OCA2: variants seen among roughly 807,000 people sequenced by gnomAD.
The protein encoded by OCA2 is P protein.
A neutral mutation model predicts 100.2 loss-of-function variants in OCA2; 77 were observed. The ratio of observed to expected loss-of-function variants is 0.77; its 90% confidence interval spans 0.64 to 0.93. OCA2 has a LOEUF of 0.93. Among genes scored for constraint, OCA2 ranks in the 40% least tolerant of loss-of-function variants. OCA2 has a pLI of 0.00. For missense variants in OCA2, 1,062 were observed against 1,089.1 expected (o/e 0.98, Z 0.35); for synonymous variants, 432 against 439.2 (o/e 0.98, Z 0.21).
chr15:27,739,803 G>A, the OCA2 span, among the ~76,000 whole-genome samples: 1 of 151,970 alleles, frequency 6.6e-6, no homozygotes, highest in African/African-American at 2.4e-5. Flanking sequence ...TCTACCTCAG[G>A]CATAAATCCC....
At chr15:27,760,181 TA>T (rs1004627794) in intron 23 of OCA2, among the ~76,000 whole-genome samples, 1 of 151,798 alleles carries the variant, frequency 6.6e-6, no homozygotes, top group South Asian at 2.1e-4. Flanking sequence ...ACAAGGAAAG[TA>T]AAAAAACCAC....
chr15:27,749,459 T>C, the OCA2 span, among the ~76,000 whole-genome samples: 1 of 152,346 alleles, frequency 6.6e-6, no homozygotes, highest in South Asian at 2.1e-4. Flanking sequence ...AGTGAATGAA[T>C]GGCCAAATTC....
At chr15:28,018,927 C>G (rs1465747487) in intron 6 of OCA2, among the ~76,000 whole-genome samples, 1 of 152,210 alleles carries the variant, frequency 6.6e-6, no homozygotes, top group African/African-American at 2.4e-5. Flanking sequence ...TCCTATCACA[C>G]CTTTCAGGAC....
At chr15:27,925,366 T>A (rs1043992643) in intron 19 of OCA2, among the ~76,000 whole-genome samples, 8 of 152,156 alleles carry the variant, frequency 5.3e-5, no homozygotes, top group Non-Finnish European at 2.9e-5. Flanking sequence ...AGGACTGCAA[T>A]TGTGCAATGT....
chr15:27,726,931 G>A, the OCA2 span, among the ~76,000 whole-genome samples: 11 of 152,184 alleles, frequency 7.2e-5, no homozygotes, highest in Admixed American at 1.3e-4. Flanking sequence ...AAAGCAGAGC[G>A]CTGCACATGG....
At chr15:28,023,977 C>T (rs1159617142) in intron 5 of OCA2, among the ~76,000 whole-genome samples, 1 of 152,184 alleles carries the variant, frequency 6.6e-6, no homozygotes, top group Non-Finnish European at 1.5e-5. Flanking sequence ...CACACAGACA[C>T]ACAACCAGAC....
chr15:27,810,798 A>T (rs1048520222), intron 23 of OCA2, among the ~76,000 whole-genome samples: 1 of 152,260 alleles, frequency 6.6e-6, no homozygotes, highest in African/African-American at 2.4e-5. Context: ...TATGAAGGAA[A>T]TGCAAATCAA....
the OCA2 span, among the ~76,000 whole-genome samples, chr15:27,738,812 T>C: frequency 3.3e-5 from 5 of 152,242 alleles, no homozygotes; most frequent in South Asian, 8.3e-4. Context: ...GGTTTCTAGG[T>C]TGTAAGAGTT....
At chr15:27,912,735 A>G (rs981015494) in intron 19 of OCA2, among the ~76,000 whole-genome samples, 3 of 152,254 alleles carry the variant, frequency 2.0e-5, no homozygotes, top group Non-Finnish European at 4.4e-5. Context: ...GACAAATGCT[A>G]AAATCAGTAA....
downstream of OCA2, among the ~76,000 whole-genome samples, chr15:27,750,990 G>A (rs1004705974): frequency 1.3e-5 from 2 of 152,194 alleles, no homozygotes; most frequent in African/African-American, 4.8e-5. Flanking sequence ...GGTCAGCCAG[G>A]TGCATTTGAG....
At chr15:27,872,459 G>C (rs373564798) in intron 19 of OCA2, among the ~76,000 whole-genome samples, 1 of 152,190 alleles carries the variant, frequency 6.6e-6, no homozygotes, top group Non-Finnish European at 1.5e-5. Flanking sequence ...GAGTAGAAGA[G>C]AGAAGATGAG....
chr15:27,870,616 C>T (rs374407548), intron 21 of OCA2, among the ~76,000 whole-genome samples: 1 of 150,760 alleles, frequency 6.6e-6, no homozygotes, highest in Non-Finnish European at 1.5e-5. Context: ...TTGCCTCCGC[C>T]GCAAATGAAG....
chr15:27,958,134 G>A (rs1056777896), intron 15 of OCA2, among the ~76,000 whole-genome samples: 4 of 152,150 alleles, frequency 2.6e-5, no homozygotes, highest in African/African-American at 9.7e-5. Context: ...ACACTAACAT[G>A]GCACATGTAT....
At chr15:27,872,851 G>A (rs7164733) in intron 19 of OCA2, among the ~76,000 whole-genome samples, 2,393 of 152,098 alleles carry the variant, frequency 0.016, 56 homozygotes, top group African/African-American at 0.051. Flanking sequence ...AACCATGCCT[G>A]GCTAATTTTT....
At chr15:27,772,889 A>T (rs1218271740) in intron 23 of OCA2, among the ~76,000 whole-genome samples, 1 of 151,950 alleles carries the variant, frequency 6.6e-6, no homozygotes, top group Non-Finnish European at 1.5e-5. Context: ...TATATGTCTA[A>T]GAATTCAATG....
intron 22 of OCA2, among the ~76,000 whole-genome samples, chr15:27,850,954 A>G (rs755105817): frequency 1.3e-5 from 2 of 152,088 alleles, no homozygotes; most frequent in Non-Finnish European, 2.9e-5. Context: ...GCCCACCCCA[A>G]AAACATCCTT....
At chr15:27,728,670 C>A in the OCA2 span, among the ~76,000 whole-genome samples, 1 of 152,154 alleles carries the variant, frequency 6.6e-6, no homozygotes, top group Non-Finnish European at 1.5e-5. Context: ...GGCTGAGGAA[C>A]AATGCCCTTG....
intron 19 of OCA2, among the ~76,000 whole-genome samples, chr15:27,900,945 G>T (rs1330629170): frequency 6.6e-6 from 1 of 152,218 alleles, no homozygotes; most frequent in Non-Finnish European, 1.5e-5. Context: ...GGGGAACGTG[G>T]CATTAAAGAA....
At chr15:28,015,355 C>T (rs1283218669) in intron 8 of OCA2, among the ~76,000 whole-genome samples, 3 of 151,236 alleles carry the variant, frequency 2.0e-5, no homozygotes, top group Admixed American at 2.0e-4. Flanking sequence ...CTGTGGCGAA[C>T]ACTGAAGCGT....
Sources: gnomAD v4.1 joint callset for allele counts (sites outside exome capture counted in the v4.1 genomes callset) on GRCh38, gnomAD v4.1.1 for gene constraint, MANE v1.5 for transcripts, NCBI Gene and HGNC (gene_info 2026-07-23, HGNC 2026-07-21) for gene names.